Variants in FBXO8 observed in about 807,000 individuals in gnomAD.
FBXO8 encodes the protein F-box protein 8.
FBXO8 carries 15 observed loss-of-function variants against 33.4 expected under a neutral mutation model. The observed-to-expected ratio is 0.45, with a 90% CI of 0.30 to 0.69. FBXO8 has a LOEUF of 0.69. FBXO8 is among the 30% of genes least tolerant of loss of function. FBXO8 has a pLI of 0.08. For missense variants in FBXO8, 274 were observed against 380.3 expected (o/e 0.72, Z 2.32); for synonymous variants, 132 against 131.5 (o/e 1.00, Z -0.02).
chr4:174,242,099 G>A (rs922937495), intron 3 of FBXO8, among the ~76,000 whole-genome samples: 3 of 151,480 alleles, frequency 2.0e-5, no homozygotes, highest in Admixed American at 6.6e-5. Flanking sequence ...TTCAACTTGC[G>A]GTTATCCAGA....
In FBXO8 at chr4:174,281,660, C is replaced by T. The variant is rs969474795; in HGVS notation, c.-9+1750G>A. Among the ~76,000 whole-genome samples, 1 of 152,172 alleles carries T rather than the reference C, an allele frequency of 6.6e-6. No homozygotes were observed. Among genetic ancestry groups the T allele is most frequent in the African/African-American group, 2.4e-5 (1 of 41,436 alleles). On this transcript the variant is annotated intron_variant, in intron 1 of 5. Transcript: ENST00000393674. This position sits in a 1 kb window ranked among gnomAD's most constrained non-coding sequence, Gnocchi z 4.6. ...TGAGTCTTGTTCGCACCACTGCACTCCAGCCTGGGCAACAGAATAAAAATC... is the reference window on the plus strand; with the variant it reads ...TGAGTCTTGTTCGCACCACTGCACTTCAGCCTGGGCAACAGAATAAAAATC...
In FBXO8 at chr4:174,246,122, G is replaced by T. The variant is rs1029273330; in HGVS notation, c.457-4904C>A. Among the ~76,000 whole-genome samples, 4 of 151,954 alleles carry T rather than the reference G, an allele frequency of 2.6e-5. No individual in the cohort carries two copies. The East Asian group carries it at 7.7e-4, about 29-fold the overall frequency. ...TAAGGGAGTAATGAAGAGAATGATAGAATAATGTTCCAGAAGCCAAGAGCC... is the reference window on the plus strand; with the variant it reads ...TAAGGGAGTAATGAAGAGAATGATATAATAATGTTCCAGAAGCCAAGAGCC... On this transcript the variant is annotated intron_variant, in intron 3 of 5. Transcript: ENST00000393674.
chr4:174,238,439 A>C (rs1327090199), intron 5 of FBXO8, among the ~76,000 whole-genome samples: 1 of 151,832 alleles, frequency 6.6e-6, no homozygotes, highest in East Asian at 1.9e-4. Context: ...TAATCAGATA[A>C]GCACAATAAA....
intron 5 of FBXO8, 53 bp downstream of exon 5, chr4:174,238,941 T>C (rs1453709289): frequency 8.8e-7 from 1 of 1,140,374 alleles, no homozygotes; most frequent in African/African-American, 1.6e-5. Context: ...ATATCTCTGT[T>C]TTTACCTAAA....
In FBXO8 at chr4:174,263,026, CTT is replaced by C. The variant is rs1195329165; in HGVS notation, c.65_66del (p.Gln22ArgfsTer18). ...CTGCTCTGCTCTCTGGTGAGGTAGC[CTT>C]GCTCACTGTAGCCTTCTTGTTGCAG... is the stretch of plus-strand genomic sequence containing the variant. ...QQLQQEGYSE[Q>X]GYLTREQSRR... On this transcript the variant is annotated frameshift_variant, in exon 2 of 6. Coordinates refer to ENST00000393674, the MANE Select transcript of FBXO8 (RefSeq NM_012180.3). LOFTEE classifies it high-confidence loss of function. This position sits in a 1 kb window ranked among gnomAD's most constrained non-coding sequence, Gnocchi z 4.2. 6.2e-7 allele frequency: 1 copy of C among 1,613,980 alleles called. No homozygotes were observed. The highest frequency in any genetic ancestry group is 1.1e-5 in the South Asian group (1 of 91,074).
Position 174,274,013 on chromosome 4 carries a change from T to C in FBXO8, c.-9+9397A>G, listed in dbSNP as rs1736897215. On this transcript the variant is annotated intron_variant, in intron 1 of 5. Transcript: ENST00000393674. The surrounding 1 kb of genome is among the most constrained non-coding windows in gnomAD (Gnocchi z 4.0). The stretch of plus-strand genomic sequence containing the variant: ...CAGTTCTATCTGAGTCCAAAGCTTT[T>C]ATTCTTAACCCACAAACCATATTCC... Among the ~76,000 whole-genome samples, 1 of 152,202 alleles carries C rather than the reference T, an allele frequency of 6.6e-6. No individual in the cohort carries two copies. Among genetic ancestry groups the C allele is most frequent in the African/African-American group, 2.4e-5 (1 of 41,440 alleles).
chr4:174,252,184 G>T lies in FBXO8; in HGVS notation c.456+7515C>A, dbSNP rs137997034. The stretch of plus-strand genomic sequence containing the variant: ...GGGTTTTACCATGTTGCCTGGGCTG[G>T]TCTCAAACTCCTGAGCTCAAGTTAT... On this transcript the variant is annotated intron_variant, in intron 3 of 5. Transcript: ENST00000393674. The surrounding 1 kb of genome is among the most constrained non-coding windows in gnomAD (Gnocchi z 5.1). Among the ~76,000 whole-genome samples the T allele has an allele frequency of 2.0e-4, 31 of 152,118 alleles. No homozygotes were observed. The East Asian group carries it at 3.9e-3, about 19-fold the overall frequency.
chr4:174,269,680 A>G (rs1476618146), intron 1 of FBXO8, among the ~76,000 whole-genome samples: 52 of 148,236 alleles, frequency 3.5e-4, no homozygotes, highest in African/African-American at 4.0e-4. Flanking sequence ...ACTCGTCTCA[A>G]AAAAAAAAAA....
rs1736713901 is a variant in FBXO8 at position 174,267,184 on chromosome 4, A to G, written c.-8-4084T>C. 6.6e-6 allele frequency among the ~76,000 whole-genome samples: 1 copy of G among 152,218 alleles called. No individual in the cohort carries two copies. Among genetic ancestry groups the G allele is most frequent in the Non-Finnish European group, 1.5e-5 (1 of 68,028 alleles). Reference sequence around the variant, plus strand: ...TGTTGTCTTTCACAGAAAATTTTAAAACTCAGCATGCCTGAGGATGGTGCC... The same window carrying G: ...TGTTGTCTTTCACAGAAAATTTTAAGACTCAGCATGCCTGAGGATGGTGCC... On this transcript the variant is annotated intron_variant, in intron 1 of 5. Coordinates refer to ENST00000393674, the MANE Select transcript of FBXO8 (RefSeq NM_012180.3). This position sits in a 1 kb window ranked among gnomAD's most constrained non-coding sequence, Gnocchi z 4.7.
Position 174,277,889 on chromosome 4 carries a change from T to C in FBXO8, c.-9+5521A>G, listed in dbSNP as rs2126451508. 6.6e-6 allele frequency among the ~76,000 whole-genome samples: 1 copy of C among 152,286 alleles called. No homozygotes were observed. Among genetic ancestry groups the C allele is most frequent in the East Asian group, 1.9e-4 (1 of 5,188 alleles). On this transcript the variant is annotated intron_variant, in intron 1 of 5. Coordinates refer to ENST00000393674, the MANE Select transcript of FBXO8 (RefSeq NM_012180.3). The surrounding 1 kb of genome is among the most constrained non-coding windows in gnomAD (Gnocchi z 4.9). The stretch of plus-strand genomic sequence containing the variant: ...TTAAGTAAAAAGTAGCAACTCTATT[T>C]TTGGTTACTTCAGGTTTTAAAAATC...
rs1159910332 is a variant in FBXO8, at chr4:174,255,581, CAT to C, written c.456+4116_456+4117del. 1.3e-5 allele frequency among the ~76,000 whole-genome samples: 2 copies of C among 150,606 alleles called. No individual in the cohort carries two copies. Among genetic ancestry groups the C allele is most frequent in the Non-Finnish European group, 3.0e-5 (2 of 67,746 alleles). On this transcript the variant is annotated intron_variant, in intron 3 of 5. Coordinates refer to ENST00000393674, the MANE Select transcript of FBXO8 (RefSeq NM_012180.3). The surrounding 1 kb of genome is among the most constrained non-coding windows in gnomAD (Gnocchi z 4.3). ...CATAAATACCAGAAAAATGTGCTTACATAGTCATTAAAAAAAAAAACTTGTTA... is the reference window on the plus strand; with the variant it reads ...CATAAATACCAGAAAAATGTGCTTACAGTCATTAAAAAAAAAAACTTGTTA...
chr4:174,265,683 C>T lies in FBXO8; in HGVS notation c.-8-2583G>A, dbSNP rs10520277. Reference sequence around the variant, plus strand: ...AAACTATGGAGACAGTAGAAATGATCAACGTACAAAAAATAGAGAATGTCA... The same window carrying T: ...AAACTATGGAGACAGTAGAAATGATTAACGTACAAAAAATAGAGAATGTCA... On this transcript the variant is annotated intron_variant, in intron 1 of 5. Transcript: ENST00000393674. This position sits in a 1 kb window ranked among gnomAD's most constrained non-coding sequence, Gnocchi z 4.7. Among the ~76,000 whole-genome samples the T allele has an allele frequency of 0.67, 102,472 of 151,950 alleles. 34,771 individuals are homozygous for T. The highest frequency in any genetic ancestry group is 0.75 in the East Asian group (3,871 of 5,156).
At position 174,263,218 on chromosome 4, in the gene FBXO8, A is replaced by T. The variant is rs368517561; in HGVS notation, c.-8-118T>A. The T allele has an allele frequency of 3.5e-6, 3 of 864,996 alleles. No individual in the cohort carries two copies. The highest frequency in any genetic ancestry group is 5.4e-5 in the East Asian group (2 of 37,298). 53.6% of individuals were successfully genotyped at this position (864,996 alleles called of 1,614,324 possible). On this transcript the variant is annotated intron_variant, in intron 1 of 5. Transcript: ENST00000393674. This position sits in a 1 kb window ranked among gnomAD's most constrained non-coding sequence, Gnocchi z 4.2. ...ATCAGAATTAAAACTTCTCATTAAA[A>T]CCTACTAAAACCAGAAGTATATTAC...
Position 174,252,277 on chromosome 4 carries a change from A to G in FBXO8, c.456+7422T>C, listed in dbSNP as rs892059909. ...AGCCACTGACTGTACCCAGTTAGCAATGTTTATTTTTAAAAATTTGCATTG... is the reference window on the plus strand; with the variant it reads ...AGCCACTGACTGTACCCAGTTAGCAGTGTTTATTTTTAAAAATTTGCATTG... On this transcript the variant is annotated intron_variant, in intron 3 of 5. Transcript: ENST00000393674. This position sits in a 1 kb window ranked among gnomAD's most constrained non-coding sequence, Gnocchi z 5.1. 4.6e-5 allele frequency among the ~76,000 whole-genome samples: 7 copies of G among 152,104 alleles called. No individual in the cohort carries two copies. Among genetic ancestry groups the G allele is most frequent in the Admixed American group, 3.3e-4 (5 of 15,258 alleles).
At position 174,245,134 on chromosome 4, in the gene FBXO8, G is replaced by A. The variant is rs1023030039; in HGVS notation, c.457-3916C>T. ...TAGACACTGAGTAGTGTAACACAGA[G>A]TTTTGCCCTAAGAAAATTTAAAGTT... On this transcript the variant is annotated intron_variant, in intron 3 of 5. Transcript: ENST00000393674. This position sits in a 1 kb window ranked among gnomAD's most constrained non-coding sequence, Gnocchi z 4.6. Among the ~76,000 whole-genome samples the A allele has an allele frequency of 3.9e-4, 59 of 151,902 alleles. No homozygotes were observed. Among genetic ancestry groups the A allele is most frequent in the African/African-American group, 1.3e-3 (56 of 41,518 alleles).
intron 3 of FBXO8, among the ~76,000 whole-genome samples, chr4:174,248,697 T>A (rs1371011016): frequency 6.6e-6 from 1 of 152,066 alleles, no homozygotes; most frequent in African/African-American, 2.4e-5. Flanking sequence ...GATTTTACAT[T>A]TACCTTTCGT....
chr4:174,276,243 A>G lies in FBXO8; in HGVS notation c.-9+7167T>C, dbSNP rs1366800955. 2.0e-5 allele frequency among the ~76,000 whole-genome samples: 3 copies of G among 152,118 alleles called. No homozygotes were observed. The East Asian group carries it at 5.8e-4, about 29-fold the overall frequency. On this transcript the variant is annotated intron_variant, in intron 1 of 5. Coordinates refer to ENST00000393674, the MANE Select transcript of FBXO8 (RefSeq NM_012180.3). Reference sequence around the variant, plus strand: ...ACCAAATATTTATTTGACAGAGCCAACTTGTTTTTTCTGAGTTGGAGTCTT... The same window carrying G: ...ACCAAATATTTATTTGACAGAGCCAGCTTGTTTTTTCTGAGTTGGAGTCTT...
At chr4:174,264,918 C>A (rs1452253140) in intron 1 of FBXO8, among the ~76,000 whole-genome samples, 2 of 151,720 alleles carry the variant, frequency 1.3e-5, no homozygotes, top group Non-Finnish European at 2.9e-5. Context: ...AACTCTTAAA[C>A]CTCAGCAGTA....
Position 174,241,281 on chromosome 4 carries a change from A to G in FBXO8, c.457-63T>C. 1 of 911,980 alleles carries G rather than the reference A, an allele frequency of 1.1e-6. No homozygotes were observed. 56.5% of individuals were successfully genotyped at this position (911,980 alleles called of 1,614,324 possible). ...TCTTTATTTATGCATTTTAACAATT[A>G]AGCAATAGCACAACAGTAGCTATAA... is the stretch of plus-strand genomic sequence containing the variant. On this transcript the variant is annotated intron_variant, in intron 3 of 5. Transcript: ENST00000393674. This position sits in a 1 kb window ranked among gnomAD's most constrained non-coding sequence, Gnocchi z 4.2.
Sources: gnomAD v4.1 joint callset for allele counts (sites outside exome capture counted in the v4.1 genomes callset) on GRCh38, gnomAD v4.1.1 for gene constraint, Gnocchi (gnomAD v3.1) non-coding constraint, MANE v1.5 for transcripts, NCBI Gene and HGNC (gene_info 2026-07-23, HGNC 2026-07-21) for gene names.